Variants in DYNC2H1 observed in about 807,000 individuals in gnomAD.
DYNC2H1 encodes dynein cytoplasmic 2 heavy chain 1, also known as cytoplasmic dynein 2 heavy chain 1.
Under a neutral mutation model 570.0 loss-of-function variants are expected in DYNC2H1, and 410 were observed. The observed-to-expected ratio is 0.72, with a 90% confidence interval of 0.66 to 0.78. DYNC2H1 has a LOEUF of 0.78. Among genes scored for constraint, DYNC2H1 ranks in the 30% least tolerant of loss-of-function variants. DYNC2H1 has a pLI of 0.00. For missense variants in DYNC2H1, 4,865 were observed against 5,046.4 expected (o/e 0.96, Z 1.09); for synonymous variants, 1,688 against 1,677.6 (o/e 1.01, Z -0.15).
intron 11 of DYNC2H1, among the ~76,000 whole-genome samples, chr11:103,124,706 A>T (rs1858901724): frequency 6.6e-6 from 1 of 152,136 alleles, no homozygotes; most frequent in Non-Finnish European, 1.5e-5. Context: ...CTTATTATTG[A>T]TGTTTTAATA....
intron 81 of DYNC2H1, 103 bp downstream of exon 81, chr11:103,321,340 A>T (rs747218137): frequency 1.3e-4 from 144 of 1,124,656 alleles, no homozygotes; most frequent in Non-Finnish European, 1.6e-4. Context: ...ACAAGTAATT[A>T]TTCACAGTTT....
chr11:103,430,544 G>C (rs1460390587), intron 84 of DYNC2H1, among the ~76,000 whole-genome samples: 1 of 151,592 alleles, frequency 6.6e-6, no homozygotes, highest in Admixed American at 6.6e-5. Context: ...TTTCTACTAG[G>C]GTAATCCTTA....
chr11:103,342,437 A>G (rs79451078), intron 82 of DYNC2H1, among the ~76,000 whole-genome samples: 32,561 of 151,332 alleles, frequency 0.22, 3,625 homozygotes, highest in Admixed American at 0.31. Context: ...CCCCTTCCAC[A>G]ACGTGGAACC....
At position 103,468,525 on chromosome 11, in the gene DYNC2H1, A is replaced by G. The variant is rs1463164973; in HGVS notation, c.12649-64A>G. 8.1e-6 allele frequency: 9 copies of G among 1,116,384 alleles called. No homozygotes were observed. The Admixed American group carries it at 1.6e-4, about 19-fold the overall frequency. The allele number at this position is 1,116,384 out of a possible 1,614,324, so 69.2% of individuals were successfully genotyped here. A position where few individuals can be genotyped will look rare whatever the true frequency, so the allele number is the denominator to read the frequency against. Reference sequence around the variant, plus strand: ...GAAAGCATAGCTCTTAAGGTAGAATAGAGTAACCTCTGACATTTGCGACTT... The same window carrying G: ...GAAAGCATAGCTCTTAAGGTAGAATGGAGTAACCTCTGACATTTGCGACTT... On this transcript the variant is annotated intron_variant, in intron 87 of 88. Coordinates refer to ENST00000375735, the MANE Select transcript of DYNC2H1 (RefSeq NM_001377.3).
In DYNC2H1 at chr11:103,170,809, A is replaced by C; in HGVS notation, c.5152-77A>C. The C allele has an allele frequency of 8.0e-7, 1 of 1,244,652 alleles. No homozygotes were observed. Among genetic ancestry groups the C allele is most frequent in the African/African-American group, 1.5e-5 (1 of 65,894 alleles). 77.1% of individuals were successfully genotyped at this position (1,244,652 alleles called of 1,614,324 possible). On this transcript the variant is annotated intron_variant, in intron 33 of 88. Transcript: ENST00000375735. This position sits in a 1 kb window ranked among gnomAD's most constrained non-coding sequence, Gnocchi z 4.8. ...GGGATAAATTATCACCTTATCAATA[A>C]GTAACATTAAATATTAAGTAGTTAT...
chr11:103,462,574 CT>C (rs1437788237), intron 87 of DYNC2H1, among the ~76,000 whole-genome samples: 1 of 152,126 alleles, frequency 6.6e-6, no homozygotes, highest in African/African-American at 2.4e-5. Context: ...TAAAATTCTT[CT>C]GCAAAGAGGC....
chr11:103,343,497 A>T (rs74799303), intron 82 of DYNC2H1, among the ~76,000 whole-genome samples: 31 of 151,952 alleles, frequency 2.0e-4, no homozygotes, highest in Non-Finnish European at 3.7e-4. Context: ...CCAAAGCCCC[A>T]TCGGGGGTGG....
chr11:103,291,390 A>T (rs1866591528), intron 75 of DYNC2H1, among the ~76,000 whole-genome samples: 1 of 152,170 alleles, frequency 6.6e-6, no homozygotes, highest in African/African-American at 2.4e-5. Flanking sequence ...GTGAGCTGAG[A>T]TCGTGTCACT....
intron 20 of DYNC2H1, among the ~76,000 whole-genome samples, chr11:103,149,458 C>T (rs1400823325): frequency 6.6e-6 from 1 of 152,112 alleles, no homozygotes; most frequent in Non-Finnish European, 1.5e-5. Context: ...AGTGTACAAA[C>T]TTATGTGCCC....
At chr11:103,213,763 TC>T (rs543819819) in intron 54 of DYNC2H1, among the ~76,000 whole-genome samples, 6 of 152,188 alleles carry the variant, frequency 3.9e-5, no homozygotes, top group Non-Finnish European at 8.8e-5. Context: ...AAATATTTTC[TC>T]CCATTTAACA....
intron 32 of DYNC2H1, among the ~76,000 whole-genome samples, 157 bp from the exon 33 acceptor site, chr11:103,169,951 T>G (rs1311000755): frequency 6.6e-6 from 1 of 152,236 alleles, no homozygotes; most frequent in Non-Finnish European, 1.5e-5. Flanking sequence ...TTTAGAAAGC[T>G]TCTTTCACTA....
chr11:103,313,068 T>G (rs1867671451), intron 79 of DYNC2H1, among the ~76,000 whole-genome samples: 3 of 152,228 alleles, frequency 2.0e-5, no homozygotes, highest in African/African-American at 7.2e-5. Flanking sequence ...TTTTTGCATT[T>G]AGCAACCAGA....
intron 63 of DYNC2H1, among the ~76,000 whole-genome samples, chr11:103,240,027 AT>A (rs56193715): frequency 6.6e-6 from 1 of 151,884 alleles, no homozygotes; most frequent in Non-Finnish European, 1.5e-5. Context: ...TAAATTCACC[AT>A]TTTTTAAGTC....
At chr11:103,200,961 G>T (rs1862696188) in intron 50 of DYNC2H1, among the ~76,000 whole-genome samples, 1 of 151,968 alleles carries the variant, frequency 6.6e-6, no homozygotes. Flanking sequence ...TGAGTAGCTG[G>T]GATTACAGGC....
At position 103,325,697 on chromosome 11, in the gene DYNC2H1, T is replaced by TAAA. The variant is rs71465390; in HGVS notation, c.12039+1709_12039+1711dup. On this transcript the variant is annotated intron_variant, in intron 82 of 88. Coordinates refer to ENST00000375735, the MANE Select transcript of DYNC2H1 (RefSeq NM_001377.3). This position sits in a 1 kb window ranked among gnomAD's most constrained non-coding sequence, Gnocchi z 4.8. ...CCAGAAGTTCAGTTTGGTTCTTCCTTAAAATGCCTGTTTCATTTTTGAGCT... is the reference window on the plus strand; with the variant it reads ...CCAGAAGTTCAGTTTGGTTCTTCCTTAAAAAAATGCCTGTTTCATTTTTGAGCT... 0.048 allele frequency among the ~76,000 whole-genome samples: 7,330 copies of TAAA among 152,282 alleles called. 340 individuals are homozygous for TAAA. Among genetic ancestry groups the TAAA allele is most frequent in the East Asian group, 0.21 (1,111 of 5,174 alleles).
At chr11:103,316,806 A>T (rs537479923) in intron 80 of DYNC2H1, among the ~76,000 whole-genome samples, 186 bp downstream of exon 80, 1 of 151,996 alleles carries the variant, frequency 6.6e-6, no homozygotes, top group South Asian at 2.1e-4. Flanking sequence ...CTGTTTTTAC[A>T]TGGATTCTTC....
Position 103,203,588 on chromosome 11 carries a change from C to A in DYNC2H1, c.8198-75C>A. On this transcript the variant is annotated intron_variant, in intron 50 of 88. Transcript: ENST00000375735. This position sits in a 1 kb window ranked among gnomAD's most constrained non-coding sequence, Gnocchi z 4.7. The stretch of plus-strand genomic sequence containing the variant: ...TTTGGAAATAAAGATTGAATAAGAG[C>A]AGATTTTTAAATACAAAAATTGAAA... 1.1e-6 allele frequency: 1 copy of A among 902,990 alleles called. No individual in the cohort carries two copies. The highest frequency in any genetic ancestry group is 2.7e-5 in the East Asian group (1 of 36,756). 55.9% of individuals were successfully genotyped at this position (902,990 alleles called of 1,614,324 possible).
At chr11:103,297,990 C>G (rs1468936607) in intron 75 of DYNC2H1, among the ~76,000 whole-genome samples, 3 of 152,060 alleles carry the variant, frequency 2.0e-5, no homozygotes, top group African/African-American at 7.2e-5. Flanking sequence ...ATTCAGGCTT[C>G]TATCCTTCCC....
At chr11:103,470,878 G>C (rs759556189) in intron 88 of DYNC2H1, among the ~76,000 whole-genome samples, 1 of 152,116 alleles carries the variant, frequency 6.6e-6, no homozygotes, top group African/African-American at 2.4e-5. Context: ...ATAAACATAC[G>C]TGTGCATGTG....
Sources: gnomAD v4.1 joint callset for allele counts (sites outside exome capture counted in the v4.1 genomes callset) on GRCh38, gnomAD v4.1.1 for gene constraint, Gnocchi (gnomAD v3.1) non-coding constraint, MANE v1.5 for transcripts, NCBI Gene and HGNC (gene_info 2026-07-23, HGNC 2026-07-21) for gene names.